PARD3: variants seen among roughly 807,000 people sequenced by gnomAD.
PARD3 encodes the protein partitioning defective 3 homolog.
In PARD3, 75 loss-of-function variants were observed where a neutral mutation model predicts 155.4. The ratio of observed to expected loss-of-function variants is 0.48; its 90% CI spans 0.40 to 0.58. The LOEUF is 0.58. PARD3 is among the 20% of genes least tolerant of loss of function. The pLI is 0.00. For synonymous variants in PARD3, 576 were observed against 610.5 expected (o/e 0.94, Z 0.83); for missense variants, 1,642 against 1,721.7 (o/e 0.95, Z 0.82).
intron 1 of PARD3, among the ~76,000 whole-genome samples, chr10:34,720,437 C>CGA: frequency 1.0e-5 from 1 of 97,590 alleles, no homozygotes; most frequent in Admixed American, 1.7e-4. Flanking sequence ...GGCAACAGAG[C>CGA]AAGGCTCTGT....
chr10:34,164,815 T>C (rs2582848), intron 22 of PARD3, among the ~76,000 whole-genome samples: 49,610 of 152,066 alleles, frequency 0.33, 8,415 homozygotes, highest in African/African-American at 0.35. Context: ...TACACACATA[T>C]ACAATTATTT....
At chr10:34,234,134 T>C (rs945553088) in intron 22 of PARD3, among the ~76,000 whole-genome samples, 3 of 152,122 alleles carry the variant, frequency 2.0e-5, no homozygotes, top group African/African-American at 7.3e-5. Context: ...GTAATCAATT[T>C]CTGATATAAC....
chr10:34,766,980 A>G (rs1337425447), intron 1 of PARD3, among the ~76,000 whole-genome samples: 7 of 152,162 alleles, frequency 4.6e-5, no homozygotes, highest in Non-Finnish European at 1.0e-4. Context: ...CCCAGGGAGA[A>G]GAGGTCCCAC....
At chr10:34,574,942 T>A (rs972073648) in intron 2 of PARD3, among the ~76,000 whole-genome samples, 2 of 152,210 alleles carry the variant, frequency 1.3e-5, no homozygotes, top group Non-Finnish European at 2.9e-5. Context: ...GTCTTTATTA[T>A]GAACACATTC....
At chr10:34,645,274 C>T (rs1291548814) in intron 2 of PARD3, among the ~76,000 whole-genome samples, 1 of 151,892 alleles carries the variant, frequency 6.6e-6, no homozygotes, top group Non-Finnish European at 1.5e-5. Flanking sequence ...GATATGATCT[C>T]GGCTCACTGT....
intron 3 of PARD3, among the ~76,000 whole-genome samples, chr10:34,505,937 C>T (rs1303189401): frequency 1.3e-5 from 2 of 152,024 alleles, no homozygotes; most frequent in Non-Finnish European, 2.9e-5. Flanking sequence ...GCCAGCCTAG[C>T]CAACATCATG....
intron 2 of PARD3, among the ~76,000 whole-genome samples, chr10:34,532,138 G>A (rs984256704): frequency 2.0e-5 from 3 of 152,020 alleles, no homozygotes; most frequent in African/African-American, 7.3e-5. Context: ...GTATATGGAC[G>A]TTTTGATAAA....
chr10:34,194,437 T>G (rs1222469497), intron 22 of PARD3, among the ~76,000 whole-genome samples: 1 of 152,084 alleles, frequency 6.6e-6, no homozygotes, highest in Admixed American at 6.6e-5. Flanking sequence ...CTCCTCCTGA[T>G]GTAAAACCAA....
chr10:34,543,159 T>C (rs1054228752), intron 2 of PARD3, among the ~76,000 whole-genome samples: 1 of 151,830 alleles, frequency 6.6e-6, no homozygotes, highest in Admixed American at 6.6e-5. Context: ...GGGTCCCAGC[T>C]ACTCAGGAGG....
chr10:34,568,065 T>C (rs956589221), intron 2 of PARD3, among the ~76,000 whole-genome samples: 2 of 152,202 alleles, frequency 1.3e-5, no homozygotes, highest in African/African-American at 4.8e-5. Flanking sequence ...GGTAATCGAA[T>C]ATTCTGCTCT....
intron 2 of PARD3, among the ~76,000 whole-genome samples, chr10:34,621,907 T>G (rs936584878): frequency 6.6e-6 from 1 of 152,200 alleles, no homozygotes; most frequent in African/African-American, 2.4e-5. Flanking sequence ...CAAACCATGG[T>G]GCTCAGAGGT....
At chr10:34,514,109 C>T (rs760658788) in intron 3 of PARD3, among the ~76,000 whole-genome samples, 7 of 152,138 alleles carry the variant, frequency 4.6e-5, no homozygotes, top group Non-Finnish European at 1.0e-4. Flanking sequence ...ACCCAAACTT[C>T]GTATCCATTT....
At chr10:34,667,683 T>A (rs1257456125) in intron 2 of PARD3, among the ~76,000 whole-genome samples, 1 of 152,190 alleles carries the variant, frequency 6.6e-6, no homozygotes, top group Non-Finnish European at 1.5e-5. Flanking sequence ...GACAAACTCA[T>A]CTTTCTAGTC....
intron 2 of PARD3, among the ~76,000 whole-genome samples, chr10:34,522,576 G>C (rs1169465019): frequency 6.6e-6 from 1 of 152,078 alleles, no homozygotes; most frequent in East Asian, 1.9e-4. Flanking sequence ...GTAAATATGA[G>C]AATAGTTTCA....
At chr10:34,763,944 T>C (rs976720115) in intron 1 of PARD3, among the ~76,000 whole-genome samples, 1 of 152,188 alleles carries the variant, frequency 6.6e-6, no homozygotes, top group East Asian at 1.9e-4. Context: ...GATCCAAATA[T>C]GTCAGTGAAG....
intron 3 of PARD3, among the ~76,000 whole-genome samples, chr10:34,480,518 C>T (rs1231316634): frequency 6.6e-6 from 1 of 152,196 alleles, no homozygotes; most frequent in Admixed American, 6.5e-5. Flanking sequence ...AGATTACCAG[C>T]ATGAACCACC....
chr10:34,562,759 ATTTT>A (rs111964840), intron 2 of PARD3, among the ~76,000 whole-genome samples: 3 of 148,238 alleles, frequency 2.0e-5, no homozygotes, highest in East Asian at 3.9e-4. Context: ...GATTATTTTA[ATTTT>A]TTTTTTTTAA....
At chr10:34,600,250 G>A (rs775873572) in intron 2 of PARD3, among the ~76,000 whole-genome samples, 4 of 151,988 alleles carry the variant, frequency 2.6e-5, no homozygotes, top group Admixed American at 6.6e-5. Context: ...GGAGGTTAAG[G>A]TGAAGGATCG....
chr10:34,265,114 C>T (rs747603810), intron 22 of PARD3, among the ~76,000 whole-genome samples: 3 of 152,146 alleles, frequency 2.0e-5, no homozygotes, highest in African/African-American at 7.2e-5. Context: ...ATAGGATCTG[C>T]TTCTCTTTAG....
Sources: gnomAD v4.1 joint callset for allele counts (sites outside exome capture counted in the v4.1 genomes callset) on GRCh38, gnomAD v4.1.1 for gene constraint, MANE v1.5 for transcripts, NCBI Gene and HGNC (gene_info 2026-07-23, HGNC 2026-07-21) for gene names.